HACL1: variants seen among roughly 807,000 people sequenced by gnomAD.
HACL1 encodes 2-hydroxyacyl-CoA lyase 1, also known as 1600020H07Rik.
In HACL1, 64 loss-of-function variants were observed where a neutral mutation model predicts 74.2. That is an observed-to-expected ratio of 0.86 (90% CI 0.70 to 1.06). The LOEUF (loss-of-function observed/expected upper bound fraction) is 1.06. HACL1 is among the 50% of genes least tolerant of loss of function. HACL1 has a pLI of 0.00. For synonymous variants in HACL1, 230 were observed against 238.8 expected, an observed-to-expected ratio of 0.96 and a Z score of 0.34; for missense variants, 728 against 719.7, an observed-to-expected ratio of 1.01 and a Z score of -0.13.
At chr3:15,590,027 T>A (rs2063861865) in intron 4 of HACL1, among the ~76,000 whole-genome samples, 2 of 151,114 alleles carry the variant, frequency 1.3e-5, no homozygotes. Flanking sequence ...AGAGCAAGAC[T>A]CTGTCTCAAA....
chr3:15,592,073 C>T (rs534551902), intron 3 of HACL1, among the ~76,000 whole-genome samples: 1,056 of 14,212 alleles, frequency 0.074, 63 homozygotes, highest in African/African-American at 0.18. Context: ...TACGTATATA[C>T]GTATACGTAT....
At chr3:15,592,023 C>A (rs1481598128) in intron 3 of HACL1, among the ~76,000 whole-genome samples, 4 of 141,392 alleles carry the variant, frequency 2.8e-5, no homozygotes, top group African/African-American at 1.1e-4. Flanking sequence ...TATATACACA[C>A]ACTACATACG....
At chr3:15,585,934 C>T (rs1344581646) in intron 6 of HACL1, among the ~76,000 whole-genome samples, 1 of 152,116 alleles carries the variant, frequency 6.6e-6, no homozygotes, top group African/African-American at 2.4e-5. Context: ...GGTGTCTAAA[C>T]AGTTTATTCA....
At chr3:15,577,276 G>A (rs557696015) in intron 9 of HACL1, among the ~76,000 whole-genome samples, 4 of 151,792 alleles carry the variant, frequency 2.6e-5, no homozygotes, top group Non-Finnish European at 5.9e-5. Flanking sequence ...CTTGAGCCTA[G>A]GGGTCTGAGT....
intron 9 of HACL1, among the ~76,000 whole-genome samples, chr3:15,576,726 T>A (rs1386835927): frequency 6.6e-6 from 1 of 152,216 alleles, no homozygotes; most frequent in Non-Finnish European, 1.5e-5. Context: ...TTTTTCTGCT[T>A]TTTATCTGTT....
At position 15,563,399 on chromosome 3, in the gene HACL1, T is replaced by G. The variant is rs779941935; in HGVS notation, c.1663A>C (p.Ile555Leu). 1 of 1,613,916 alleles carries G rather than the reference T, an allele frequency of 6.2e-7. No homozygotes were observed. Among genetic ancestry groups the G allele is most frequent in the Non-Finnish European group, 8.5e-7 (1 of 1,179,820 alleles). The change falls in exon 16 of 17, where the codon ATC becomes CTC. Residue 555 changes from isoleucine (I) to leucine (L), a missense_variant. Coordinates refer to ENST00000321169, the MANE Select transcript of HACL1 (RefSeq NM_012260.4). ...GCTTGTGGCTCAATCATGATGTTGA[T>G]AAGAGAAGGTTTAGTTGTGTCTGCT... is the stretch of plus-strand genomic sequence containing the variant. ...SLADTTKPSL[I>L]NIMIEPQATR...
At chr3:15,561,937 C>T (rs2063352672) in intron 16 of HACL1, among the ~76,000 whole-genome samples, 1 of 152,200 alleles carries the variant, frequency 6.6e-6, no homozygotes, top group African/African-American at 2.4e-5. Flanking sequence ...ACCTTGGCAT[C>T]CCAAAGGGCT....
chr3:15,596,372 A>G lies in HACL1; in HGVS notation c.227+12T>C. On this transcript the variant is annotated intron_variant, in intron 3 of 16. Transcript: ENST00000321169. ...TATTAAAGTAATTGAAGTGAAACAA[A>G]TTTTAGTTTACCTGCTTGTCAGATA... 6.5e-7 allele frequency: 1 copy of G among 1,532,390 alleles called. No individual in the cohort carries two copies. Among genetic ancestry groups the G allele is most frequent in the South Asian group, 1.1e-5 (1 of 89,278 alleles). The allele number at this position is 1,532,390 out of a possible 1,614,324, so 94.9% of individuals were successfully genotyped here.
At chr3:15,572,375 T>C (rs1559550480) in intron 11 of HACL1, among the ~76,000 whole-genome samples, 1 of 152,162 alleles carries the variant, frequency 6.6e-6, no homozygotes, top group Non-Finnish European at 1.5e-5. Flanking sequence ...GTTTGGTCAG[T>C]GTGGGTTTCT....
chr3:15,580,510 AAAGT>A (rs2125255280), intron 8 of HACL1, among the ~76,000 whole-genome samples: 1 of 152,320 alleles, frequency 6.6e-6, no homozygotes, highest in African/African-American at 2.4e-5. Context: ...AATGCTTAAC[AAAGT>A]AAGAGTTCTA....
At chr3:15,581,307 GTCA>G (rs2063713115) in intron 8 of HACL1, among the ~76,000 whole-genome samples, 1 of 152,134 alleles carries the variant, frequency 6.6e-6, no homozygotes, top group Non-Finnish European at 1.5e-5. Context: ...CATTTCTAAT[GTCA>G]TCAAGACCAC....
At chr3:15,571,488 A>G (rs2063526511) in intron 12 of HACL1, among the ~76,000 whole-genome samples, 180 bp downstream of exon 12, 1 of 152,096 alleles carries the variant, frequency 6.6e-6, no homozygotes, top group Non-Finnish European at 1.5e-5. Flanking sequence ...TCTTATTTTT[A>G]TGTTACACAA....
rs553626025 is a variant in HACL1 at position 15,593,883 on chromosome 3, C to T, written c.228-2203G>A. On this transcript the variant is annotated intron_variant, in intron 3 of 16. Coordinates refer to ENST00000321169, the MANE Select transcript of HACL1 (RefSeq NM_012260.4). ...TGTGATCTCGGCTCACTGCAACCTC[C>T]GCCTCCCGGATTCAAGTGATTCTCC... 1.3e-4 allele frequency among the ~76,000 whole-genome samples: 20 copies of T among 150,540 alleles called. No homozygotes were observed. The South Asian group carries it at 3.2e-3, about 24-fold the overall frequency.
chr3:15,563,392 A>T lies in HACL1; in HGVS notation c.1670T>A (p.Ile557Asn). Residue 557 changes from isoleucine to asparagine, a missense_variant, in exon 16 of 17, where the codon ATC becomes AAC. Ile to Asn is a moderately radical substitution (Grantham distance 149). Coordinates refer to ENST00000321169, the MANE Select transcript of HACL1 (RefSeq NM_012260.4). ...ADTTKPSLIN[I>N]MIEPQATRKA... ...CCGTGTGGCTTGTGGCTCAATCATGATGTTGATAAGAGAAGGTTTAGTTGT... is the reference window on the plus strand; with the variant it reads ...CCGTGTGGCTTGTGGCTCAATCATGTTGTTGATAAGAGAAGGTTTAGTTGT... 1.2e-6 allele frequency: 2 copies of T among 1,613,758 alleles called. No homozygotes were observed. Among genetic ancestry groups the T allele is most frequent in the Non-Finnish European group, 1.7e-6 (2 of 1,179,768 alleles).
rs139470887 is a variant in HACL1 at position 15,564,562 on chromosome 3, A to G, written c.1506T>C (p.Asp502=). 332 of 1,416,940 alleles carry G rather than the reference A, an allele frequency of 2.3e-4. No individual in the cohort carries two copies. The highest frequency in any genetic ancestry group is 2.9e-4 in the Non-Finnish European group (290 of 1,008,126). 87.8% of individuals were successfully genotyped at this position (1,416,940 alleles called of 1,614,324 possible). A position where few individuals can be genotyped will look rare whatever the true frequency, so the allele number is the denominator to read the frequency against. The change falls in exon 15 of 17, where the codon GAT becomes GAC. Residue 502 remains aspartate (D), a synonymous_variant. Coordinates refer to ENST00000321169, the MANE Select transcript of HACL1 (RefSeq NM_012260.4). ...TCTTGGTTACTTACACTGCAGTAGCATCTTGAAATTTTAACATTTCTTTCC... is the reference window on the plus strand; with the variant it reads ...TCTTGGTTACTTACACTGCAGTAGCGTCTTGAAATTTTAACATTTCTTTCC... ...DTWKEMLKFQ[D]ATAVVPPMCL...
intron 4 of HACL1, among the ~76,000 whole-genome samples, chr3:15,591,098 C>T (rs906616117): frequency 5.9e-5 from 9 of 152,050 alleles, no homozygotes; most frequent in Non-Finnish European, 1.3e-4. Flanking sequence ...AAGTGTTTAT[C>T]TCTAAGTAAC....
At chr3:15,598,347 T>G (rs923088418) in intron 2 of HACL1, among the ~76,000 whole-genome samples, 1 of 152,154 alleles carries the variant, frequency 6.6e-6, no homozygotes, top group Non-Finnish European at 1.5e-5. Context: ...CCATAAAAGA[T>G]CTGTTCCTCT....
intron 7 of HACL1, among the ~76,000 whole-genome samples, chr3:15,583,734 T>C (rs2063749004): frequency 6.6e-6 from 1 of 151,786 alleles, no homozygotes; most frequent in African/African-American, 2.4e-5. Context: ...CTTGGCTCAC[T>C]GCAACCTCCA....
At chr3:15,571,621 A>C in intron 12 of HACL1, 47 bp downstream of exon 12, 1 of 847,270 alleles carries the variant, frequency 1.2e-6, no homozygotes, top group East Asian at 2.4e-5. Context: ...GAAGTAACTG[A>C]ATCATGAGCC....
Sources: gnomAD v4.1 joint callset for allele counts (sites outside exome capture counted in the v4.1 genomes callset) on GRCh38, gnomAD v4.1.1 for gene constraint, MANE v1.5 for transcripts, NCBI Gene and HGNC (gene_info 2026-07-23, HGNC 2026-07-21) for gene names.